UBAC1: variants seen among roughly 807,000 people sequenced by gnomAD.
UBAC1 encodes the protein UBA domain containing 1.
UBAC1 carries 27 observed loss-of-function variants against 45.9 expected under a neutral mutation model. The ratio of observed to expected loss-of-function variants is 0.59; its 90% CI spans 0.43 to 0.81. UBAC1 has a LOEUF of 0.81. Among genes scored for constraint, UBAC1 ranks in the 30% least tolerant of loss-of-function variants. The pLI, the probability that UBAC1 is intolerant of heterozygous loss-of-function variation, is 0.00. For missense variants in UBAC1, 529 were observed against 539.2 expected, an observed-to-expected ratio of 0.98 and a Z score of 0.19; for synonymous variants, 227 against 215.5, an observed-to-expected ratio of 1.05 and a Z score of -0.47.
At chr9:135,940,039 G>A (rs1232862330) in intron 7 of UBAC1, among the ~76,000 whole-genome samples, 1 of 152,222 alleles carries the variant, frequency 6.6e-6, no homozygotes, top group Non-Finnish European at 1.5e-5. Flanking sequence ...GTTGTGACAG[G>A]TAGAAACGCA....
Position 135,945,021 on chromosome 9 carries a change from C to A in UBAC1, c.876+7G>T. ...CTCTGCCTGGCGACAGGTCTAGTAA[C>A]ACATACCCGAGCATCAGCCCGAAAC... On this transcript the variant is annotated splice_region_variant and intron_variant, in intron 7 of 9. Transcript: ENST00000371756. 6.2e-7 allele frequency: 1 copy of A among 1,612,432 alleles called. No homozygotes were observed. Among genetic ancestry groups the A allele is most frequent in the East Asian group, 2.2e-5 (1 of 44,840 alleles).
chr9:135,960,955 C>T, intron 1 of UBAC1, 70 bp downstream of exon 1: 1 of 1,377,682 alleles, frequency 7.3e-7, no homozygotes, highest in African/African-American at 1.5e-5. Flanking sequence ...GGTTCGGGGA[C>T]TGAGGCGGGG....
intron 8 of UBAC1, among the ~76,000 whole-genome samples, chr9:135,938,988 G>A (rs143836098): frequency 7.8e-4 from 118 of 152,256 alleles, no homozygotes; most frequent in African/African-American, 2.7e-3. Flanking sequence ...CAGGAGGATC[G>A]ATTGAAGCCA....
chr9:135,946,089 C>T lies in UBAC1; in HGVS notation c.545-92G>A, dbSNP rs1588533158. 12 of 1,277,666 alleles carry T rather than the reference C, an allele frequency of 9.4e-6. No individual in the cohort carries two copies. The East Asian group carries it at 2.7e-4, about 28-fold the overall frequency. 79.1% of individuals were successfully genotyped at this position (1,277,666 alleles called of 1,614,324 possible). A position where few individuals can be genotyped will look rare whatever the true frequency, so the allele number is the denominator to read the frequency against. Reference sequence around the variant, plus strand: ...CATTTGCAGCAATTATCTGTCTGAGCTCCACCTGCCCGCCCTCAGGCACAT... The same window carrying T: ...CATTTGCAGCAATTATCTGTCTGAGTTCCACCTGCCCGCCCTCAGGCACAT... On this transcript the variant is annotated intron_variant, in intron 5 of 9. Coordinates refer to ENST00000371756, the MANE Select transcript of UBAC1 (RefSeq NM_016172.3).
intron 3 of UBAC1, among the ~76,000 whole-genome samples, chr9:135,953,321 T>G (rs751142322): frequency 5.9e-5 from 9 of 152,168 alleles, no homozygotes; most frequent in African/African-American, 2.2e-4. Context: ...AGTTTGTATT[T>G]ATTTATTTAA....
At chr9:135,956,986 G>A (rs950532734) in intron 1 of UBAC1, among the ~76,000 whole-genome samples, 10 of 152,196 alleles carry the variant, frequency 6.6e-5, no homozygotes, top group Non-Finnish European at 1.0e-4. Flanking sequence ...TCAGGTGGCC[G>A]GGCAGACGCC....
chr9:135,955,211 T>C, intron 2 of UBAC1, 84 bp downstream of exon 2: 1 of 1,379,384 alleles, frequency 7.2e-7, no homozygotes, highest in African/African-American at 1.5e-5. Flanking sequence ...CTGACTCCTG[T>C]GGGTGGACCA....
At chr9:135,953,885 T>G in intron 2 of UBAC1, 132 bp from the exon 3 acceptor site, 2 of 505,682 alleles carry the variant, frequency 4.0e-6, no homozygotes, top group Non-Finnish European at 3.3e-6. Context: ...CCATCTGTAA[T>G]CCCAGCACTT....
chr9:135,941,418 ACT>A (rs770296296), intron 7 of UBAC1, among the ~76,000 whole-genome samples: 4 of 151,194 alleles, frequency 2.6e-5, no homozygotes, highest in South Asian at 2.1e-4. Flanking sequence ...AAAAGAAAAA[ACT>A]CTGTATTTTC....
chr9:135,955,210 G>A lies in UBAC1; in HGVS notation c.259+85C>T, dbSNP rs957457981. On this transcript the variant is annotated intron_variant, in intron 2 of 9. Coordinates refer to ENST00000371756, the MANE Select transcript of UBAC1 (RefSeq NM_016172.3). ...TGTCCAGCTCAGAACACTGACTCCTGTGGGTGGACCACCCCCTCCTGGCTC... is the reference window on the plus strand; with the variant it reads ...TGTCCAGCTCAGAACACTGACTCCTATGGGTGGACCACCCCCTCCTGGCTC... The A allele has an allele frequency of 1.6e-5, 22 of 1,374,922 alleles. No homozygotes were observed. In the African/African-American group the frequency reaches 2.3e-4, roughly 15 times the overall value. The allele number at this position is 1,374,922 out of a possible 1,614,324, so 85.2% of individuals were successfully genotyped here. A position where few individuals can be genotyped will look rare whatever the true frequency, so the allele number is the denominator to read the frequency against.
In UBAC1 at chr9:135,938,264, GGT is replaced by G; in HGVS notation, c.1058_1059del (p.Asn353ThrfsTer17). On this transcript the variant is annotated frameshift_variant, in exon 9 of 10. Transcript: ENST00000371756. LOFTEE classifies it high-confidence loss of function. The stretch of plus-strand genomic sequence containing the variant: ...TTGGTCAGGCCCAGCTGCACCACCG[GGT>G]TATCCAGGATGGCCTGAAAGAGAGG... ...DSPLFQAILD[N>X]PVVQLGLTNP... 6.2e-7 allele frequency: 1 copy of G among 1,614,216 alleles called. No homozygotes were observed. The highest frequency in any genetic ancestry group is 8.5e-7 in the Non-Finnish European group (1 of 1,180,048).
At chr9:135,943,597 C>A (rs1839293361) in intron 7 of UBAC1, among the ~76,000 whole-genome samples, 1 of 152,156 alleles carries the variant, frequency 6.6e-6, no homozygotes, top group African/African-American at 2.4e-5. Context: ...CCTGCAATTC[C>A]ATTACTGGGT....
rs150401622 is a variant in UBAC1 at position 135,939,967 on chromosome 9, G to T, written c.877-208C>A. The stretch of plus-strand genomic sequence containing the variant: ...CCTAAAGCCGAGGAAGTGCAGGGAT[G>T]ACTGTAGTTAGCAGAGCCGGGGGGC... On this transcript the variant is annotated intron_variant, in intron 7 of 9. Transcript: ENST00000371756. Among the ~76,000 whole-genome samples, 112 of 152,350 alleles carry T rather than the reference G, an allele frequency of 7.4e-4. 1 individual carries two copies. Among genetic ancestry groups the T allele is most frequent in the African/African-American group, 2.7e-3 (111 of 41,582 alleles).
At chr9:135,939,430 T>C (rs959479394) in intron 8 of UBAC1, among the ~76,000 whole-genome samples, 1 of 151,788 alleles carries the variant, frequency 6.6e-6, no homozygotes, top group African/African-American at 2.4e-5. Flanking sequence ...CTCCCAGCAC[T>C]CGCCCAGCCT....
chr9:135,955,255 C>T lies in UBAC1; in HGVS notation c.259+40G>A, dbSNP rs191488267. ...TGGCTCCAGCGCCCCCAGCAGTGCACGATGCCTGCTGCCAACCCGCCCGCC... is the reference window on the plus strand; with the variant it reads ...TGGCTCCAGCGCCCCCAGCAGTGCATGATGCCTGCTGCCAACCCGCCCGCC... On this transcript the variant is annotated intron_variant, in intron 2 of 9. Transcript: ENST00000371756. The T allele has an allele frequency of 8.2e-3, 12,490 of 1,515,478 alleles. 81 individuals carry two copies. Among genetic ancestry groups the T allele is most frequent in the Non-Finnish European group, 9.3e-3 (10,595 of 1,134,564 alleles). 93.9% of individuals were successfully genotyped at this position (1,515,478 alleles called of 1,614,324 possible).
chr9:135,935,318 C>T (rs1839190473), intron 9 of UBAC1, among the ~76,000 whole-genome samples: 1 of 152,204 alleles, frequency 6.6e-6, no homozygotes, highest in Non-Finnish European at 1.5e-5. Flanking sequence ...ATCCAAGAAG[C>T]TATTAAGGAA....
intron 9 of UBAC1, among the ~76,000 whole-genome samples, chr9:135,934,354 A>G (rs1839180771): frequency 6.6e-6 from 1 of 152,172 alleles, no homozygotes; most frequent in African/African-American, 2.4e-5. Context: ...AAAGTCTCCA[A>G]AAACCACTTT....
At chr9:135,945,739 G>T in intron 6 of UBAC1, 150 bp downstream of exon 6, 1 of 623,244 alleles carries the variant, frequency 1.6e-6, no homozygotes, top group Non-Finnish European at 2.8e-6. Context: ...ACACTTTGGA[G>T]GCACATATTT....
In UBAC1 at chr9:135,961,163, C is replaced by CCCGCCG; in HGVS notation, c.-7_-2dup. On this transcript the variant is annotated 5_prime_UTR_variant, in exon 1 of 10. Coordinates refer to ENST00000371756, the MANE Select transcript of UBAC1 (RefSeq NM_016172.3). Reference sequence around the variant, plus strand: ...AGATCTTCTCCTCCTGCACGAACATCCCGCCGCCGCCGCAGGGGCCTGCGC... The same window carrying CCCGCCG: ...AGATCTTCTCCTCCTGCACGAACATCCCGCCGCCGCCGCCGCCGCAGGGGCCTGCGC... 6.5e-7 allele frequency: 1 copy of CCCGCCG among 1,547,318 alleles called. No individual in the cohort carries two copies.
Sources: gnomAD v4.1 joint callset for allele counts (sites outside exome capture counted in the v4.1 genomes callset) on GRCh38, gnomAD v4.1.1 for gene constraint, MANE v1.5 for transcripts, NCBI Gene and HGNC (gene_info 2026-07-23, HGNC 2026-07-21) for gene names.